Variants in CDKAL1 observed in about 807,000 individuals in gnomAD.
CDKAL1 encodes the protein CDKAL1 threonylcarbamoyladenosine tRNA methylthiotransferase.
In CDKAL1, 32 loss-of-function variants were observed where a neutral mutation model predicts 68.2. That is an observed-to-expected ratio of 0.47 (90% CI 0.35 to 0.63). CDKAL1 has a LOEUF of 0.63. Ranked by LOEUF, CDKAL1 falls within the 30% of genes least tolerant of loss-of-function variation. The pLI, the probability that CDKAL1 is intolerant of heterozygous loss-of-function variation, is 0.00. For synonymous variants in CDKAL1, 234 were observed against 244.3 expected (o/e 0.96, Z 0.39); for missense variants, 606 against 696.7 (o/e 0.87, Z 1.47).
intron 4 of CDKAL1, among the ~76,000 whole-genome samples, chr6:20,596,166 G>A (rs1181187823): frequency 3.3e-5 from 5 of 152,222 alleles, no homozygotes; most frequent in Non-Finnish European, 5.9e-5. Flanking sequence ...AGGCAGTCCT[G>A]TCCCTTAGCA....
At chr6:20,863,876 C>T (rs1188965303) in intron 9 of CDKAL1, among the ~76,000 whole-genome samples, 1 of 152,118 alleles carries the variant, frequency 6.6e-6, no homozygotes, top group Non-Finnish European at 1.5e-5. Flanking sequence ...ATTGTTTTTA[C>T]ATTTATATTT....
intron 13 of CDKAL1, among the ~76,000 whole-genome samples, chr6:21,160,307 C>T (rs574293398): frequency 4.9e-4 from 74 of 149,920 alleles, no homozygotes; most frequent in Middle Eastern, 3.4e-3. Context: ...TTCTTTTTTT[C>T]TTTTTTTTGA....
intron 4 of CDKAL1, among the ~76,000 whole-genome samples, chr6:20,613,253 T>TTTTTTTTC (rs1766720296): frequency 5.8e-5 from 1 of 17,300 alleles, no homozygotes; most frequent in Non-Finnish European, 1.1e-4. Flanking sequence ...TTCTTTCTTT[T>TTTTTTTTC]TTTTTTTTTT....
rs538526772 is a variant in CDKAL1 at position 20,900,001 on chromosome 6, C to T, written c.742+53823C>T. On this transcript the variant is annotated intron_variant, in intron 9 of 15. Coordinates refer to ENST00000274695, the MANE Select transcript of CDKAL1 (RefSeq NM_017774.3). ...ATGACCATGCTGTGTCTGCTTCAAG[C>T]ATTGATAAAATGCTCAATGATTAGA... 2.6e-5 allele frequency among the ~76,000 whole-genome samples: 4 copies of T among 152,310 alleles called. No individual in the cohort carries two copies. In the South Asian group the frequency reaches 6.2e-4, roughly 24 times the overall value.
intron 11 of CDKAL1, among the ~76,000 whole-genome samples, chr6:21,007,737 A>T (rs1397902600): frequency 6.6e-6 from 1 of 152,182 alleles, no homozygotes. Context: ...GCCAAGCACT[A>T]CTGTTAAAGC....
chr6:20,552,103 C>T (rs990562014), intron 4 of CDKAL1, among the ~76,000 whole-genome samples: 2 of 150,874 alleles, frequency 1.3e-5, no homozygotes, highest in East Asian at 3.9e-4. Context: ...CTTTGGAGGC[C>T]GAGGTGAGAG....
chr6:20,581,937 A>G (rs1765157605), intron 4 of CDKAL1, among the ~76,000 whole-genome samples: 1 of 152,156 alleles, frequency 6.6e-6, no homozygotes, highest in East Asian at 1.9e-4. Flanking sequence ...TGTCTTGTAG[A>G]CCCTGGATTT....
At chr6:20,870,145 A>G (rs1200767839) in intron 9 of CDKAL1, among the ~76,000 whole-genome samples, 1 of 152,176 alleles carries the variant, frequency 6.6e-6, no homozygotes, top group African/African-American at 2.4e-5. Context: ...CAAACACTAC[A>G]TGAATGCTCC....
chr6:20,934,911 T>TTC (rs1763630894), intron 9 of CDKAL1, among the ~76,000 whole-genome samples: 1 of 151,370 alleles, frequency 6.6e-6, no homozygotes, highest in Admixed American at 6.6e-5. Context: ...TTTTTTTTTT[T>TTC]TTTTTTGAGT....
chr6:20,666,688 CTTTT>C (rs35042364), intron 5 of CDKAL1, among the ~76,000 whole-genome samples: 13 of 135,806 alleles, frequency 9.6e-5, no homozygotes, highest in Admixed American at 1.5e-4. Context: ...CCAAAGAATC[CTTTT>C]TTTTTTTTTT....
chr6:21,096,684 T>C (rs1289731777), intron 12 of CDKAL1, among the ~76,000 whole-genome samples: 1 of 152,210 alleles, frequency 6.6e-6, no homozygotes, highest in Non-Finnish European at 1.5e-5. Context: ...GGCATTATTA[T>C]TAAGCAAATG....
intron 11 of CDKAL1, among the ~76,000 whole-genome samples, chr6:21,052,066 TA>T (rs1328245235): frequency 1.3e-5 from 2 of 152,250 alleles, no homozygotes; most frequent in Non-Finnish European, 2.9e-5. Context: ...CTAAATGTTT[TA>T]GTGTTTTTTC....
At chr6:21,163,882 C>T (rs1053710649) in intron 13 of CDKAL1, among the ~76,000 whole-genome samples, 2 of 151,932 alleles carry the variant, frequency 1.3e-5, no homozygotes, top group African/African-American at 4.8e-5. Flanking sequence ...ACCTGGGAGA[C>T]GGAGGCTGCA....
chr6:20,927,088 T>C (rs1763223271), intron 9 of CDKAL1, among the ~76,000 whole-genome samples: 1 of 152,114 alleles, frequency 6.6e-6, no homozygotes, highest in Admixed American at 6.6e-5. Flanking sequence ...CATATTTTCT[T>C]TGTCATTATT....
chr6:20,758,578 T>G lies in CDKAL1; in HGVS notation c.469-17T>G, dbSNP rs779889672. ...TTCGTGTAAATTACTTGTGTAATCG[T>G]TTTTTTTTTTTTCCAGGTTCAGCAG... On this transcript the variant is annotated splice_polypyrimidine_tract_variant and intron_variant, in intron 6 of 15. Coordinates refer to ENST00000274695, the MANE Select transcript of CDKAL1 (RefSeq NM_017774.3). The G allele has an allele frequency of 1.4e-5, 8 of 579,312 alleles. No individual in the cohort carries two copies. The highest frequency in any genetic ancestry group is 2.2e-4 in the East Asian group (2 of 9,164). 35.9% of individuals were successfully genotyped at this position (579,312 alleles called of 1,614,324 possible).
At chr6:21,057,170 A>G (rs902386210) in intron 11 of CDKAL1, among the ~76,000 whole-genome samples, 2 of 152,020 alleles carry the variant, frequency 1.3e-5, no homozygotes, top group Admixed American at 1.3e-4. Flanking sequence ...TTTGGTGGGT[A>G]GGCTGTTTAC....
chr6:21,152,476 C>G (rs1301986221), intron 13 of CDKAL1, among the ~76,000 whole-genome samples: 1 of 152,160 alleles, frequency 6.6e-6, no homozygotes, highest in African/African-American at 2.4e-5. Flanking sequence ...ACTGCCACAC[C>G]GATTCAACCA....
At position 20,932,893 on chromosome 6, in the gene CDKAL1, G is replaced by A. The variant is rs1261061343; in HGVS notation, c.743-22526G>A. Among the ~76,000 whole-genome samples the A allele has an allele frequency of 3.3e-5, 5 of 152,094 alleles. No homozygotes were observed. In the South Asian group the frequency reaches 1.0e-3, roughly 32 times the overall value. On this transcript the variant is annotated intron_variant, in intron 9 of 15. Coordinates refer to ENST00000274695, the MANE Select transcript of CDKAL1 (RefSeq NM_017774.3). ...ATTATATGTTTGCTATGGAGCCAAGGACCTGTACTAGATGTTTTTTGTGTT... is the reference window on the plus strand; with the variant it reads ...ATTATATGTTTGCTATGGAGCCAAGAACCTGTACTAGATGTTTTTTGTGTT...
intron 4 of CDKAL1, among the ~76,000 whole-genome samples, chr6:20,646,059 T>G (rs1768442185): frequency 7.4e-6 from 1 of 135,978 alleles, no homozygotes. Context: ...TTTTTTTTTT[T>G]TTTTTTTTTT....
Sources: allele counts gnomAD v4.1 joint callset (sites outside exome capture counted in the v4.1 genomes callset), GRCh38; gene constraint gnomAD v4.1.1; transcripts MANE v1.5; gene names NCBI Gene and HGNC (gene_info 2026-07-23, HGNC 2026-07-21).